RAB27B: variants seen among roughly 807,000 people sequenced by gnomAD.
RAB27B encodes the protein RAB27B, member RAS oncogene family.
A neutral mutation model predicts 24.6 loss-of-function variants in RAB27B; 15 were observed. The ratio of observed to expected loss-of-function variants is 0.61; its 90% CI spans 0.41 to 0.94. RAB27B has a LOEUF of 0.94. Ranked by LOEUF, RAB27B falls within the 40% of genes least tolerant of loss-of-function variation. The pLI, the probability that RAB27B is intolerant of heterozygous loss-of-function variation, is 0.00. For missense variants in RAB27B, 261 were observed against 266.8 expected, an observed-to-expected ratio of 0.98 and a Z score of 0.15; for synonymous variants, 105 against 92.5, an observed-to-expected ratio of 1.14 and a Z score of -0.78.
chr18:54,865,496 T>C (rs888535462), intron 1 of RAB27B, among the ~76,000 whole-genome samples: 1 of 152,178 alleles, frequency 6.6e-6, no homozygotes, highest in Non-Finnish European at 1.5e-5. Flanking sequence ...TCTCTTAAGG[T>C]GCACTATTCC....
chr18:54,872,365 C>T (rs577532531), intron 1 of RAB27B, among the ~76,000 whole-genome samples: 1 of 152,224 alleles, frequency 6.6e-6, no homozygotes, highest in Non-Finnish European at 1.5e-5. Flanking sequence ...GTGGCTCATG[C>T]CTGTAATCCC....
At chr18:54,871,234 A>G (rs1156522274) in intron 1 of RAB27B, among the ~76,000 whole-genome samples, 1 of 152,200 alleles carries the variant, frequency 6.6e-6, no homozygotes, top group Admixed American at 6.5e-5. Flanking sequence ...CCCTTCCCTC[A>G]GAAACGTGCC....
At chr18:54,880,320 A>G (rs1912873109) in intron 3 of RAB27B, 1 of 152,182 alleles carries the variant, frequency 6.6e-6, no homozygotes, top group South Asian at 2.1e-4. Flanking sequence ...ATGGAAAAAC[A>G]AAAGGGATCC....
intron 2 of RAB27B, among the ~76,000 whole-genome samples, chr18:54,798,869 A>G (rs1909509419): frequency 6.6e-6 from 1 of 152,242 alleles, no homozygotes; most frequent in Non-Finnish European, 1.5e-5. Context: ...ATAATTGTCC[A>G]TGTCCTAAAT....
At chr18:54,771,762 A>G (rs1908559742) in intron 2 of RAB27B, among the ~76,000 whole-genome samples, 1 of 152,112 alleles carries the variant, frequency 6.6e-6, no homozygotes, top group Non-Finnish European at 1.5e-5. Context: ...TTCTACTTAT[A>G]AAGAAGCCAG....
At chr18:54,744,134 C>T (rs1910158489) in intron 2 of RAB27B, among the ~76,000 whole-genome samples, 1 of 152,150 alleles carries the variant, frequency 6.6e-6, no homozygotes, top group Non-Finnish European at 1.5e-5. Context: ...TGATTTCATT[C>T]ATTGGAAAGT....
At chr18:54,823,389 T>C (rs1302733741) in intron 2 of RAB27B, among the ~76,000 whole-genome samples, 1 of 151,540 alleles carries the variant, frequency 6.6e-6, no homozygotes, top group East Asian at 1.9e-4. Context: ...AAGAGAAGGG[T>C]TACGAAATCT....
intron 1 of RAB27B, among the ~76,000 whole-genome samples, chr18:54,845,626 T>C (rs1240930992): frequency 6.6e-6 from 1 of 152,054 alleles, no homozygotes; most frequent in Non-Finnish European, 1.5e-5. Context: ...GACTGCCCCC[T>C]GGAATATGTT....
Position 54,892,708 on chromosome 18 carries a change from A to G in RAB27B, c.*3295A>G, listed in dbSNP as rs1484007716. ...TAAAACTCTTGCCAGTTACCACTTTATCCAATTTGCTATCATTTTCGTATT... is the reference window on the plus strand; with the variant it reads ...TAAAACTCTTGCCAGTTACCACTTTGTCCAATTTGCTATCATTTTCGTATT... On this transcript the variant is annotated 3_prime_UTR_variant, in exon 6 of 6. Transcript: ENST00000262094. The G allele has an allele frequency of 6.6e-6, 1 of 152,070 alleles. No homozygotes were observed. The highest frequency in any genetic ancestry group is 1.9e-4 in the East Asian group (1 of 5,192). 9.4% of individuals were successfully genotyped at this position (152,070 alleles called of 1,614,324 possible).
At chr18:54,856,694 G>T (rs1911797929) in intron 1 of RAB27B, among the ~76,000 whole-genome samples, 1 of 152,234 alleles carries the variant, frequency 6.6e-6, no homozygotes, top group Non-Finnish European at 1.5e-5. Context: ...CATTTCAGCT[G>T]TTACAGTGGT....
chr18:54,804,751 C>G (rs1046997154), intron 2 of RAB27B, among the ~76,000 whole-genome samples: 1 of 152,112 alleles, frequency 6.6e-6, no homozygotes, highest in Non-Finnish European at 1.5e-5. Flanking sequence ...ACTGGCCAAA[C>G]TTGAATGGGA....
chr18:54,821,992 A>AT (rs1910325861), intron 2 of RAB27B, among the ~76,000 whole-genome samples: 1 of 152,160 alleles, frequency 6.6e-6, no homozygotes, highest in African/African-American at 2.4e-5. Flanking sequence ...ACCTCAGGTG[A>AT]TCCACCCGCC....
At chr18:54,760,323 G>A (rs564490464) in intron 2 of RAB27B, among the ~76,000 whole-genome samples, 5 of 152,246 alleles carry the variant, frequency 3.3e-5, no homozygotes, top group South Asian at 4.1e-4. Flanking sequence ...CAGAGGGATA[G>A]GAATACAAAG....
chr18:54,724,518 G>T (rs1189898596), intron 2 of RAB27B, among the ~76,000 whole-genome samples: 1 of 151,300 alleles, frequency 6.6e-6, no homozygotes, highest in African/African-American at 2.4e-5. Context: ...GAGATCAGGA[G>T]TTCGAGACCA....
At chr18:54,875,145 A>T (rs1256361676) in intron 1 of RAB27B, among the ~76,000 whole-genome samples, 4 of 152,168 alleles carry the variant, frequency 2.6e-5, no homozygotes, top group Admixed American at 1.3e-4. Flanking sequence ...CAACATAGCA[A>T]AACCCCATTT....
intron 2 of RAB27B, among the ~76,000 whole-genome samples, chr18:54,754,189 G>A (rs930351906): frequency 6.6e-6 from 1 of 152,090 alleles, no homozygotes; most frequent in South Asian, 2.1e-4. Flanking sequence ...GATAGGGAGC[G>A]AGTTCTCATG....
intron 2 of RAB27B, among the ~76,000 whole-genome samples, chr18:54,739,346 C>T (rs1357710277): frequency 6.6e-6 from 1 of 150,962 alleles, no homozygotes; most frequent in Non-Finnish European, 1.5e-5. Flanking sequence ...ATCCCATCTA[C>T]TTGGGATGCT....
intron 2 of RAB27B, among the ~76,000 whole-genome samples, chr18:54,808,167 C>A (rs1416791731): frequency 6.6e-6 from 1 of 152,026 alleles, no homozygotes; most frequent in Non-Finnish European, 1.5e-5. Flanking sequence ...GTTTGTAATC[C>A]TCTAGATAGG....
Position 54,720,897 on chromosome 18 carries a change from T to A in RAB27B, c.-20+2756T>A, listed in dbSNP as rs1194293019. Among the ~76,000 whole-genome samples the A allele has an allele frequency of 7.9e-5, 12 of 152,132 alleles. No homozygotes were observed. In the East Asian group the frequency reaches 2.3e-3, roughly 29 times the overall value. ...CATGCCACAATAAATAGGAATTACA[T>A]GTAACTTGAGATTTTCCCATTATGA... On this transcript the variant is annotated intron_variant, in intron 2 of 4. Transcript: ENST00000586570.
Sources: allele counts gnomAD v4.1 joint callset (sites outside exome capture counted in the v4.1 genomes callset), GRCh38; gene constraint gnomAD v4.1.1; transcripts MANE v1.5; gene names NCBI Gene and HGNC (gene_info 2026-07-23, HGNC 2026-07-21).